The following EIF3H variants were observed in gnomAD, a reference collection of about 807,000 sequenced individuals.
EIF3H encodes eukaryotic translation initiation factor 3 subunit H, also known as eIF-3-gamma.
Under a neutral mutation model 44.2 loss-of-function variants are expected in EIF3H, and 26 were observed. The observed-to-expected ratio is 0.59, with a 90% CI of 0.43 to 0.82. The LOEUF (loss-of-function observed/expected upper bound fraction) is 0.82. Ranked by LOEUF, EIF3H falls within the 40% of genes least tolerant of loss-of-function variation. The pLI is 0.00. For synonymous variants in EIF3H, 166 were observed against 151.9 expected (o/e 1.09, Z -0.68); for missense variants, 359 against 432.8 (o/e 0.83, Z 1.51).
chr8:116,666,730 A>C (rs1257224621), intron 2 of EIF3H, among the ~76,000 whole-genome samples: 1 of 137,964 alleles, frequency 7.2e-6, no homozygotes, highest in Non-Finnish European at 1.6e-5. Flanking sequence ...TTAGAAGACC[A>C]AATGAGAATC....
At chr8:116,745,599 G>A (rs1028910129) in intron 1 of EIF3H, among the ~76,000 whole-genome samples, 15 of 152,148 alleles carry the variant, frequency 9.9e-5, no homozygotes, top group Non-Finnish European at 2.2e-4. Flanking sequence ...GGCCCAGGAT[G>A]TTTGCAGGTT....
intron 2 of EIF3H, among the ~76,000 whole-genome samples, chr8:116,705,396 A>G (rs1814451356): frequency 1.3e-5 from 2 of 152,164 alleles, no homozygotes; most frequent in African/African-American, 4.8e-5. Flanking sequence ...AAAGATTCAC[A>G]AGATAGTAAG....
intron 2 of EIF3H, among the ~76,000 whole-genome samples, chr8:116,661,249 T>A (rs980570563): frequency 6.6e-6 from 1 of 151,994 alleles, no homozygotes; most frequent in African/African-American, 2.4e-5. Flanking sequence ...GAATTTGCTA[T>A]TTATTTTAAA....
intron 2 of EIF3H, among the ~76,000 whole-genome samples, chr8:116,693,648 C>T (rs1226816233): frequency 2.0e-5 from 3 of 152,010 alleles, no homozygotes; most frequent in Non-Finnish European, 4.4e-5. Flanking sequence ...GTATCTCTCT[C>T]ATACAGAGGT....
intron 5 of EIF3H, 63 bp from the exon 6 acceptor site, chr8:116,648,989 A>C (rs1357025406): frequency 6.8e-6 from 10 of 1,461,124 alleles, no homozygotes; most frequent in African/African-American, 1.4e-5. Context: ...CTACTGCTCT[A>C]AACAGTTTTA....
rs1232934056 is a variant in EIF3H, at chr8:116,644,876, T to G, written c.*130A>C. 1.5e-6 allele frequency: 1 copy of G among 663,172 alleles called. No individual in the cohort carries two copies. The highest frequency in any genetic ancestry group is 2.7e-5 in the East Asian group (1 of 36,684). The allele number at this position is 663,172 out of a possible 1,614,324, so 41.1% of individuals were successfully genotyped here. On this transcript the variant is annotated 3_prime_UTR_variant, in exon 8 of 8. Transcript: ENST00000521861. ...TATTATGGCTAGAAAGACACTGTTA[T>G]AGCCAAAATCGGCAATGACACTAAA...
chr8:116,721,279 G>A (rs1301765024), intron 2 of EIF3H, among the ~76,000 whole-genome samples: 1 of 152,224 alleles, frequency 6.6e-6, no homozygotes, highest in African/African-American at 2.4e-5. Flanking sequence ...CTTCCACGTG[G>A]TGTTGAGCCT....
At chr8:116,695,664 G>C (rs867220213) in intron 2 of EIF3H, among the ~76,000 whole-genome samples, 8 of 152,144 alleles carry the variant, frequency 5.3e-5, no homozygotes, top group Non-Finnish European at 8.8e-5. Flanking sequence ...CATCTGAGCA[G>C]GGTAAGGAAG....
intron 2 of EIF3H, among the ~76,000 whole-genome samples, chr8:116,692,159 C>G (rs562696936): frequency 6.6e-6 from 1 of 152,170 alleles, no homozygotes; most frequent in South Asian, 2.1e-4. Flanking sequence ...CTAAATCTAA[C>G]AGACTACAGG....
rs995615395 is a variant in EIF3H, at chr8:116,643,679, G to A, written c.*1327C>T. 3.9e-5 allele frequency: 6 copies of A among 152,188 alleles called. No individual in the cohort carries two copies. In the East Asian group the frequency reaches 1.2e-3, roughly 29 times the overall value. The allele number at this position is 152,188 out of a possible 1,614,324, so 9.4% of individuals were successfully genotyped here. ...GGGAGGTTAAATAACTTAGGAAAAGGAGGAGCCAGGTTTCAATCTGGCTGC... is the reference window on the plus strand; with the variant it reads ...GGGAGGTTAAATAACTTAGGAAAAGAAGGAGCCAGGTTTCAATCTGGCTGC... On this transcript the variant is annotated 3_prime_UTR_variant, in exon 8 of 8. Coordinates refer to ENST00000521861, the MANE Select transcript of EIF3H (RefSeq NM_003756.3).
intron 1 of EIF3H, chr8:116,737,137 A>C: frequency 9.2e-6 from 3 of 325,260 alleles, no homozygotes; most frequent in South Asian, 7.5e-5. Flanking sequence ...CACACTACCC[A>C]ATATTCTATA....
At chr8:116,707,293 C>G (rs1179530349) in intron 2 of EIF3H, among the ~76,000 whole-genome samples, 7 of 152,194 alleles carry the variant, frequency 4.6e-5, no homozygotes, top group African/African-American at 1.7e-4. Flanking sequence ...TTTAAATGGT[C>G]CAAAAGGATA....
At chr8:116,695,984 T>C (rs1460773713) in intron 2 of EIF3H, among the ~76,000 whole-genome samples, 1 of 152,182 alleles carries the variant, frequency 6.6e-6, no homozygotes, top group Admixed American at 6.5e-5. Flanking sequence ...TATAAATAAA[T>C]ACAGAAATAC....
chr8:116,700,582 T>A (rs10093551), intron 2 of EIF3H, among the ~76,000 whole-genome samples: 1 of 151,968 alleles, frequency 6.6e-6, no homozygotes, highest in Non-Finnish European at 1.5e-5. Flanking sequence ...TTACCAACTA[T>A]TTAGCAAAAA....
intron 1 of EIF3H, among the ~76,000 whole-genome samples, chr8:116,751,714 A>C (rs1815347647): frequency 6.6e-6 from 1 of 152,270 alleles, no homozygotes; most frequent in African/African-American, 2.4e-5. Flanking sequence ...CCGTGAGCAC[A>C]GATAAGAATA....
At chr8:116,722,151 C>T (rs1056270311) in intron 2 of EIF3H, among the ~76,000 whole-genome samples, 1 of 152,130 alleles carries the variant, frequency 6.6e-6, no homozygotes, top group African/African-American at 2.4e-5. Flanking sequence ...AACTGAATCA[C>T]GGGAGCAGTT....
At position 116,642,754 on chromosome 8, in the gene EIF3H, T is replaced by C. The variant is rs1813240048; in HGVS notation, c.*2252A>G. ...TATTTGTTCCTGAAAAATGTCAGAA[T>C]ACAGCACTCAAATCAAATGCCGAAC... On this transcript the variant is annotated 3_prime_UTR_variant, in exon 8 of 8. Transcript: ENST00000521861. The C allele has an allele frequency of 6.6e-6, 1 of 152,184 alleles. No individual in the cohort carries two copies. The highest frequency in any genetic ancestry group is 6.5e-5 in the Admixed American group (1 of 15,282). 9.4% of individuals were successfully genotyped at this position (152,184 alleles called of 1,614,324 possible). A position where few individuals can be genotyped will look rare whatever the true frequency, so the allele number is the denominator to read the frequency against.
In EIF3H at chr8:116,644,743, A is replaced by T. The variant is rs1189061678; in HGVS notation, c.*263T>A. The T allele has an allele frequency of 1.9e-5, 7 of 370,908 alleles. No homozygotes were observed. The highest frequency in any genetic ancestry group is 2.9e-5 in the Non-Finnish European group (6 of 203,864). 23.0% of individuals were successfully genotyped at this position (370,908 alleles called of 1,614,324 possible). ...TTTCTGCCTGGTGAAACTTCCGGTC[A>T]GGGCTTGTTTTAGCTTTTAGAAATA... On this transcript the variant is annotated 3_prime_UTR_variant, in exon 8 of 8. Transcript: ENST00000521861.
chr8:116,700,908 T>G (rs1814364298), intron 2 of EIF3H, among the ~76,000 whole-genome samples: 1 of 152,220 alleles, frequency 6.6e-6, no homozygotes, highest in East Asian at 1.9e-4. Context: ...CCCTTCTAAA[T>G]ATAGGGTATA....
Sources: allele counts gnomAD v4.1 joint callset (sites outside exome capture counted in the v4.1 genomes callset), GRCh38; gene constraint gnomAD v4.1.1; transcripts MANE v1.5; gene names NCBI Gene and HGNC (gene_info 2026-07-23, HGNC 2026-07-21).